PIEZO1: variants seen among roughly 807,000 people sequenced by gnomAD.
PIEZO1 encodes piezo type mechanosensitive ion channel component 1 (Er blood group).
A neutral mutation model predicts 297.2 loss-of-function variants in PIEZO1; 296 were observed. The observed-to-expected ratio is 1.00, with a 90% CI of 0.91 to 1.10. PIEZO1 has a LOEUF of 1.10. Among genes scored for constraint, PIEZO1 ranks in the 50% least tolerant of loss-of-function variants. PIEZO1 has a pLI of 0.00. For missense variants in PIEZO1, 5,018 were observed against 3,455.5 expected, an observed-to-expected ratio of 1.45 and a Z score of -11.34; for synonymous variants, 2,427 against 1,507.5, an observed-to-expected ratio of 1.61 and a Z score of -14.13.
At chr16:88,736,784 G>C in intron 10 of PIEZO1, 45 bp from the exon 11 acceptor site, 1 of 1,260,626 alleles carries the variant, frequency 7.9e-7, no homozygotes, top group Non-Finnish European at 1.1e-6. Flanking sequence ...TGATCTGCAG[G>C]CCTCCCCACC....
rs1341641917 is a variant in PIEZO1 at position 88,715,608 on chromosome 16, C to A, written c.7563G>T (p.Glu2521Asp). The A allele has an allele frequency of 1.9e-6, 3 of 1,549,680 alleles. No homozygotes were observed. Among genetic ancestry groups the A allele is most frequent in the Non-Finnish European group, 2.6e-6 (3 of 1,146,742 alleles). Reference sequence around the variant, plus strand: ...TCTCGGGCGCCAGCAGCAGCTCCTACTCCTTCTCACGAGTCCACTTGATCA... The same window carrying A: ...TCTCGGGCGCCAGCAGCAGCTCCTAATCCTTCTCACGAGTCCACTTGATCA... ...ETMIKWTREK[E>D] Residue 2521 changes from glutamate (E) to aspartate (D), a missense_variant, in exon 51 of 51, where the codon GAG becomes GAT. Transcript: ENST00000301015.
At position 88,784,952 on chromosome 16, in the gene PIEZO1, C is replaced by T. The variant is rs1447527615; in HGVS notation, c.13G>A (p.Val5Met). Residue 5 changes from valine (V) to methionine (M), a missense_variant, in exon 1 of 51, where the codon GTG becomes ATG. By Grantham distance (21) the Val-to-Met change is conservative. Coordinates refer to ENST00000301015, the MANE Select transcript of PIEZO1 (RefSeq NM_001142864.4). The part of the protein sequence containing the change: MEPH[V>M]LGAVLYWLLL... ...AGCCAGTACAGGACCGCGCCGAGCA[C>T]GTGCGGCTCCATGGCTGGAGGGCCC... 2.9e-6 allele frequency: 4 copies of T among 1,378,376 alleles called. No individual in the cohort carries two copies. The highest frequency in any genetic ancestry group is 3.8e-6 in the Non-Finnish European group (4 of 1,057,034). 85.4% of individuals were successfully genotyped at this position (1,378,376 alleles called of 1,614,324 possible).
chr16:88,721,182 T>C lies in PIEZO1; in HGVS notation c.5652A>G (p.Lys1884=). 1.3e-6 allele frequency: 2 copies of C among 1,511,230 alleles called. No individual in the cohort carries two copies. Among genetic ancestry groups the C allele is most frequent in the Non-Finnish European group, 8.8e-7 (1 of 1,130,562 alleles). The allele number at this position is 1,511,230 out of a possible 1,614,324, so 93.6% of individuals were successfully genotyped here. A position where few individuals can be genotyped will look rare whatever the true frequency, so the allele number is the denominator to read the frequency against. The change falls in exon 39 of 51, where the codon AAA becomes AAG. Residue 1884 remains lysine (K), a synonymous_variant. Coordinates refer to ENST00000301015, the MANE Select transcript of PIEZO1 (RefSeq NM_001142864.4). ...RRRKKEGPAR[K]GAAAIEAEDR... ...CGCTTATACCGATGGCTGCCGCTCC[T>C]TTCCGTGCTGGGCCCTCCTTCTTCC... is the stretch of plus-strand genomic sequence containing the variant.
chr16:88,758,319 C>T (rs769313708), intron 1 of PIEZO1, among the ~76,000 whole-genome samples: 3 of 152,172 alleles, frequency 2.0e-5, no homozygotes, highest in Non-Finnish European at 4.4e-5. Flanking sequence ...CTTCCTGCCA[C>T]TCCCTGACAG....
chr16:88,738,829 G>T, intron 5 of PIEZO1, 93 bp from the exon 6 acceptor site: 1 of 1,156,924 alleles, frequency 8.6e-7, no homozygotes, highest in Non-Finnish European at 1.2e-6. Flanking sequence ...GTGGGAGGCG[G>T]CCACATCCAC....
At chr16:88,718,263 G>A (rs555110182) in intron 44 of PIEZO1, 80 of 153,440 alleles carry the variant, frequency 5.2e-4, no homozygotes, top group Non-Finnish European at 7.6e-4. Flanking sequence ...AGGATGTGGA[G>A]AAACCGCAAC....
intron 16 of PIEZO1, 146 bp downstream of exon 16, chr16:88,734,210 C>T (rs935096712): frequency 9.3e-6 from 11 of 1,177,446 alleles, no homozygotes; most frequent in Middle Eastern, 2.4e-4. Context: ...GTGACCTCCA[C>T]GCTACTGCCA....
chr16:88,721,964 G>C lies in PIEZO1; in HGVS notation c.5058C>G (p.His1686Gln). The change falls in exon 37 of 51, where the codon CAC becomes CAG. Residue 1686 changes from histidine to glutamine, a missense_variant. His to Gln is a conservative substitution (Grantham distance 24, BLOSUM62 0). Coordinates refer to ENST00000301015, the MANE Select transcript of PIEZO1 (RefSeq NM_001142864.4). ...LRAVYQCVAA[H>Q]SELLCYFIII... ...TGATGAAGTAGCAGAGCAGCTCCGAGTGGGCGGCCACACACTGGTACACGG... is the reference window on the plus strand; with the variant it reads ...TGATGAAGTAGCAGAGCAGCTCCGACTGGGCGGCCACACACTGGTACACGG... 1.3e-6 allele frequency: 2 copies of C among 1,550,084 alleles called. No individual in the cohort carries two copies. Among genetic ancestry groups the C allele is most frequent in the Non-Finnish European group, 1.7e-6 (2 of 1,146,818 alleles).
At chr16:88,734,830 C>T (rs1373106745) in intron 14 of PIEZO1, 32 bp from the exon 15 acceptor site, 18 of 1,550,082 alleles carry the variant, frequency 1.2e-5, no homozygotes, top group South Asian at 1.2e-5. Flanking sequence ...GTGAGGACCG[C>T]GGGGAGGGTC....
At chr16:88,752,896 C>CCATTCATT (rs558341028) in intron 1 of PIEZO1, among the ~76,000 whole-genome samples, 2 of 121,224 alleles carry the variant, frequency 1.6e-5, no homozygotes, top group African/African-American at 5.3e-5. Context: ...ATCCATTCAT[C>CCATTCATT]CATTCATTCA....
At chr16:88,771,577 AG>A (rs1192178839) in intron 1 of PIEZO1, among the ~76,000 whole-genome samples, 2 of 152,200 alleles carry the variant, frequency 1.3e-5, no homozygotes, top group Non-Finnish European at 2.9e-5. Context: ...CCACTCGACA[AG>A]TGCCCTATGA....
intron 10 of PIEZO1, chr16:88,737,049 C>T (rs1262148046): frequency 6.8e-6 from 2 of 294,008 alleles, no homozygotes; most frequent in Admixed American, 5.0e-5. Flanking sequence ...GCCGTGGCTT[C>T]ATTTGCTTCA....
Position 88,721,199 on chromosome 16 carries a change from CCTTCTTCCTT to C in PIEZO1, c.5625_5634del (p.Lys1877AlafsTer41). The C allele has an allele frequency of 6.6e-7, 1 of 1,526,316 alleles. No homozygotes were observed. Among genetic ancestry groups the C allele is most frequent in the Non-Finnish European group, 8.8e-7 (1 of 1,138,246 alleles). The allele number at this position is 1,526,316 out of a possible 1,614,324, so 94.5% of individuals were successfully genotyped here. On this transcript the variant is annotated frameshift_variant, in exon 39 of 51. Coordinates refer to ENST00000301015, the MANE Select transcript of PIEZO1 (RefSeq NM_001142864.4). LOFTEE classifies it high-confidence loss of function. ...GCCGCTCCTTTCCGTGCTGGGCCCTCCTTCTTCCTTCTTCTAAAACGTAGACTGATGCGCC... is the reference window on the plus strand; with the variant it reads ...GCCGCTCCTTTCCGTGCTGGGCCCTCCTTCTAAAACGTAGACTGATGCGCC...
At position 88,736,162 on chromosome 16, in the gene PIEZO1, C is replaced by G. The variant is rs1041637926; in HGVS notation, c.1543G>C (p.Asp515His). The G allele has an allele frequency of 1.3e-6, 2 of 1,546,616 alleles. No individual in the cohort carries two copies. The highest frequency in any genetic ancestry group is 1.7e-6 in the Non-Finnish European group (2 of 1,145,234). The change falls in exon 12 of 51, where the codon GAC becomes CAC. Residue 515 changes from aspartate to histidine, a missense_variant. Physicochemically the swap from Asp to His is moderately conservative, Grantham distance 81. Coordinates refer to ENST00000301015, the MANE Select transcript of PIEZO1 (RefSeq NM_001142864.4). The stretch of plus-strand genomic sequence containing the variant: ...TGCACACTCACCATGGCACCAAGGT[C>G]CAGACAGGGGTAGCGGGTGTGCTCC... ...GLEHTRYPCL[D>H]LGAMLLYTLT...
rs556100477 is a variant in PIEZO1 at position 88,738,891 on chromosome 16, C to T, written c.466-155G>A. The T allele has an allele frequency of 5.5e-4, 361 of 658,570 alleles. 1 individual carries two copies. The highest frequency in any genetic ancestry group is 8.1e-4 in the Non-Finnish European group (312 of 387,142). 40.8% of individuals were successfully genotyped at this position (658,570 alleles called of 1,614,324 possible). A position where few individuals can be genotyped will look rare whatever the true frequency, so the allele number is the denominator to read the frequency against. ...AGCCTCCCCGGGCACAGGCCCCAGC[C>T]GTCCCTGAGGTCTGCCTGACACCTT... On this transcript the variant is annotated intron_variant, in intron 5 of 50. Transcript: ENST00000301015.
At chr16:88,723,202 G>A in intron 32 of PIEZO1, 24 bp downstream of exon 32, 1 of 1,548,788 alleles carries the variant, frequency 6.5e-7, no homozygotes, top group Non-Finnish European at 8.7e-7. Flanking sequence ...CTTCCCCTCA[G>A]AGTCCCCACG....
At chr16:88,784,137 C>A (rs1908062645) in intron 1 of PIEZO1, among the ~76,000 whole-genome samples, 1 of 152,346 alleles carries the variant, frequency 6.6e-6, no homozygotes, top group African/African-American at 2.4e-5. Flanking sequence ...GCGAAAGGGG[C>A]ACCACTGCCC....
Position 88,734,753 on chromosome 16 carries a change from G to A in PIEZO1, c.1894C>T (p.Leu632Phe). The A allele has an allele frequency of 1.3e-6, 2 of 1,550,290 alleles. No individual in the cohort carries two copies. The highest frequency in any genetic ancestry group is 1.7e-6 in the Non-Finnish European group (2 of 1,146,892). The change falls in exon 15 of 51, where the codon CTC becomes TTC. Residue 632 changes from leucine to phenylalanine, a missense_variant. Coordinates refer to ENST00000301015, the MANE Select transcript of PIEZO1 (RefSeq NM_001142864.4). ...WRKLLKAFWW[L>F]VVAYTMLVLI... ...ACCAGCATGGTGTAGGCCACCACGAGCCACCAGAAGGCCTTGAGCAGCTTC... is the reference window on the plus strand; with the variant it reads ...ACCAGCATGGTGTAGGCCACCACGAACCACCAGAAGGCCTTGAGCAGCTTC...
chr16:88,742,805 C>T, intron 2 of PIEZO1: 1 of 341,966 alleles, frequency 2.9e-6, no homozygotes, highest in South Asian at 2.3e-5. Context: ...CACCTCACCC[C>T]AGTGGGGGCT....
Sources: allele counts gnomAD v4.1 joint callset (sites outside exome capture counted in the v4.1 genomes callset), GRCh38; gene constraint gnomAD v4.1.1; transcripts MANE v1.5; gene names NCBI Gene and HGNC (gene_info 2026-07-23, HGNC 2026-07-21).